The following PLXNA4 variants were observed in gnomAD, a reference collection of about 807,000 sequenced individuals.
The protein encoded by PLXNA4 is plexin A4, also known as plexin-A4.
Under a neutral mutation model 191.8 loss-of-function variants are expected in PLXNA4, and 44 were observed. The observed-to-expected ratio is 0.23, with a 90% CI of 0.18 to 0.29. PLXNA4 has a LOEUF of 0.29. Among genes scored for constraint, PLXNA4 ranks in the 10% least tolerant of loss-of-function variants. The pLI is 1.00. For synonymous variants in PLXNA4, 1,082 were observed against 1,009.5 expected, an observed-to-expected ratio of 1.07 and a Z score of -1.36; for missense variants, 1,800 against 2,488.8, an observed-to-expected ratio of 0.72 and a Z score of 5.89.
intron 28 of PLXNA4, 80 bp downstream of exon 28, chr7:132,146,430 T>C: frequency 6.2e-7 from 1 of 1,612,386 alleles, no homozygotes; most frequent in Non-Finnish European, 8.5e-7. Flanking sequence ...GGGTACTGGC[T>C]ACTCTGGCAT....
At chr7:132,209,454 A>G (rs1797726637) in intron 10 of PLXNA4, among the ~76,000 whole-genome samples, 1 of 152,134 alleles carries the variant, frequency 6.6e-6, no homozygotes, top group Non-Finnish European at 1.5e-5. Context: ...CTCAGAATTT[A>G]TGGGGAAACA....
chr7:132,635,041 T>C (rs1803569434), intron 2 of PLXNA4, among the ~76,000 whole-genome samples: 1 of 152,082 alleles, frequency 6.6e-6, no homozygotes, highest in South Asian at 2.1e-4. Flanking sequence ...GGATGCTTCC[T>C]GGCTTCAAAC....
At chr7:132,627,140 T>C (rs1480760306) in intron 2 of PLXNA4, among the ~76,000 whole-genome samples, 1 of 152,214 alleles carries the variant, frequency 6.6e-6, no homozygotes, top group East Asian at 1.9e-4. Context: ...TGAAACCATA[T>C]ATAACTCATG....
At chr7:132,179,588 T>C in intron 20 of PLXNA4, 99 bp downstream of exon 20, 1 of 1,501,450 alleles carries the variant, frequency 6.7e-7, no homozygotes, top group South Asian at 1.3e-5. Context: ...CCTGCTTGTT[T>C]GTATATGAAA....
chr7:132,501,803 G>T (rs1798268182), intron 2 of PLXNA4, among the ~76,000 whole-genome samples: 1 of 152,194 alleles, frequency 6.6e-6, no homozygotes, highest in Non-Finnish European at 1.5e-5. Flanking sequence ...TGGAGTACAG[G>T]GTCATGGGCC....
At chr7:132,221,502 T>A (rs73723747) in intron 9 of PLXNA4, among the ~76,000 whole-genome samples, 1 of 152,182 alleles carries the variant, frequency 6.6e-6, no homozygotes, top group African/African-American at 2.4e-5. Context: ...CCAGCCTTGG[T>A]AGGTCAACCA....
At chr7:132,141,191 A>C (rs1207295619) in intron 29 of PLXNA4, among the ~76,000 whole-genome samples, 2 of 152,176 alleles carry the variant, frequency 1.3e-5, no homozygotes, top group Non-Finnish European at 2.9e-5. Context: ...AGCCTGGTAC[A>C]AGAGCATCTA....
chr7:132,280,698 C>G (rs376466590), intron 4 of PLXNA4, among the ~76,000 whole-genome samples: 7 of 151,830 alleles, frequency 4.6e-5, no homozygotes. Context: ...TCCTTTGCAC[C>G]GTGGGTTCTA....
chr7:132,447,689 C>T (rs539088838), intron 3 of PLXNA4, among the ~76,000 whole-genome samples: 19 of 152,236 alleles, frequency 1.2e-4, no homozygotes, highest in African/African-American at 4.1e-4. Context: ...AGCATCTCTC[C>T]TAAGTTTAAG....
chr7:132,298,017 C>T (rs910302777), intron 4 of PLXNA4, 74 bp downstream of exon 4: 1 of 1,588,800 alleles, frequency 6.3e-7, no homozygotes, highest in Non-Finnish European at 8.6e-7. Flanking sequence ...AGCTGGCCTC[C>T]TAAGGTTTGT....
intron 20 of PLXNA4, 136 bp downstream of exon 20, chr7:132,179,551 C>A (rs1584803722): frequency 7.7e-7 from 1 of 1,292,114 alleles, no homozygotes; most frequent in East Asian, 2.6e-5. Flanking sequence ...ACACCGCCAG[C>A]CTCCAGCACT....
At chr7:132,567,862 C>G (rs1320047912) in intron 1 of PLXNA4, among the ~76,000 whole-genome samples, 1 of 152,176 alleles carries the variant, frequency 6.6e-6, no homozygotes, top group Non-Finnish European at 1.5e-5. Flanking sequence ...CTGACCCTAC[C>G]TTCTGGGAGC....
At chr7:132,557,720 G>A (rs1800865132) in intron 1 of PLXNA4, among the ~76,000 whole-genome samples, 1 of 151,966 alleles carries the variant, frequency 6.6e-6, no homozygotes, top group Non-Finnish European at 1.5e-5. Flanking sequence ...AACTCATTAG[G>A]TGCTCTGTTT....
chr7:132,318,006 G>T (rs2116621136), intron 3 of PLXNA4, among the ~76,000 whole-genome samples: 1 of 152,346 alleles, frequency 6.6e-6, no homozygotes, highest in South Asian at 2.1e-4. Flanking sequence ...CCTGGGAAAG[G>T]CTGTAATCCA....
At chr7:132,270,562 A>G (rs147972764) in intron 4 of PLXNA4, among the ~76,000 whole-genome samples, 1 of 152,240 alleles carries the variant, frequency 6.6e-6, no homozygotes, top group Non-Finnish European at 1.5e-5. Flanking sequence ...TCATCAAAGA[A>G]GTTGCTCAAA....
At chr7:132,146,412 T>A in intron 28 of PLXNA4, 98 bp downstream of exon 28, 1 of 1,599,922 alleles carries the variant, frequency 6.3e-7, no homozygotes, top group African/African-American at 1.3e-5. Flanking sequence ...GGCACCAGCA[T>A]GAATGCTGGG....
At chr7:132,178,701 T>TACAC (rs1796559222) in intron 20 of PLXNA4, among the ~76,000 whole-genome samples, 1 of 75,848 alleles carries the variant, frequency 1.3e-5, no homozygotes, top group African/African-American at 1.1e-4. Context: ...ATGAAACACA[T>TACAC]ACACATACAC....
intron 23 of PLXNA4, 81 bp from the exon 24 acceptor site, chr7:132,164,369 G>T: frequency 6.4e-7 from 1 of 1,553,598 alleles, no homozygotes. Flanking sequence ...CCAAAGGGCT[G>T]CTTCCATCCC....
chr7:132,391,339 G>T (rs1805402715), intron 3 of PLXNA4, among the ~76,000 whole-genome samples: 1 of 152,198 alleles, frequency 6.6e-6, no homozygotes. Flanking sequence ...GACTGGCAAA[G>T]CATGTTGAAG....
Sources: allele counts gnomAD v4.1 joint callset (sites outside exome capture counted in the v4.1 genomes callset), GRCh38; gene constraint gnomAD v4.1.1; transcripts MANE v1.5; gene names NCBI Gene and HGNC (gene_info 2026-07-23, HGNC 2026-07-21).